The following CA9 variants were observed in gnomAD, a reference collection of about 807,000 sequenced individuals.
CA9 encodes carbonic anhydrase 9.
A neutral mutation model predicts 51.8 loss-of-function variants in CA9; 43 were observed. The ratio of observed to expected loss-of-function variants is 0.83; its 90% CI spans 0.65 to 1.07. The LOEUF (loss-of-function observed/expected upper bound fraction) is 1.07, where lower values mean the gene tolerates loss of function less well. Ranked by LOEUF, CA9 falls within the 50% of genes least tolerant of loss-of-function variation. CA9 has a pLI of 0.00. For missense variants in CA9, 574 were observed against 581.4 expected (o/e 0.99, Z 0.13); for synonymous variants, 253 against 244.2 (o/e 1.04, Z -0.34).
chr9:35,679,387 G>C, intron 7 of CA9, 45 bp downstream of exon 7: 1 of 1,579,016 alleles, frequency 6.3e-7, no homozygotes, highest in East Asian at 2.3e-5. Context: ...GGGGGAAAGA[G>C]GATGTAAGAT....
Position 35,675,951 on chromosome 9 carries a change from G to GA in CA9, c.604+21dup. On this transcript the variant is annotated intron_variant, in intron 3 of 10. Coordinates refer to ENST00000378357, the MANE Select transcript of CA9 (RefSeq NM_001216.3). Reference sequence around the variant, plus strand: ...ACAGTGGTGAGGGGGTCTCCCCGCCGAGACTTGGGGATGGGGCGGGGCGCA... The same window carrying GA: ...ACAGTGGTGAGGGGGTCTCCCCGCCGAAGACTTGGGGATGGGGCGGGGCGCA... 2 of 1,599,828 alleles carry GA rather than the reference G, an allele frequency of 1.3e-6. No homozygotes were observed. Among genetic ancestry groups the GA allele is most frequent in the East Asian group, 4.5e-5 (2 of 44,644 alleles).
chr9:35,675,151 G>C (rs916748119), intron 1 of CA9: 1 of 207,598 alleles, frequency 4.8e-6, no homozygotes, highest in Non-Finnish European at 9.7e-6. Flanking sequence ...GCGCCACCAC[G>C]CCCGGCTAAT....
At position 35,675,768 on chromosome 9, in the gene CA9, G is replaced by C; in HGVS notation, c.441G>C (p.Pro147=). 1 of 1,569,294 alleles carries C rather than the reference G, an allele frequency of 6.4e-7. No homozygotes were observed. The highest frequency in any genetic ancestry group is 8.6e-7 in the Non-Finnish European group (1 of 1,158,268). ...TATACTCTCCCACCCCAGGCGACCC[G>C]CCCTGGCCCCGGGTGTCCCCAGCCT... ...DQSHWRYGGD[P]PWPRVSPACA... Residue 147 remains proline, a synonymous_variant, in exon 3 of 11, where the codon CCG becomes CCC. Transcript: ENST00000378357.
intron 6 of CA9, among the ~76,000 whole-genome samples, 157 bp from the exon 7 acceptor site, chr9:35,679,028 T>C (rs1824478980): frequency 6.6e-6 from 1 of 152,166 alleles, no homozygotes; most frequent in African/African-American, 2.4e-5. Flanking sequence ...TGTACTTTTT[T>C]TTGAGTTACG....
intron 1 of CA9, 103 bp from the exon 2 acceptor site, chr9:35,675,435 C>T (rs1435402665): frequency 1.5e-6 from 2 of 1,317,994 alleles, no homozygotes; most frequent in African/African-American, 2.9e-5. Flanking sequence ...CATTTGTTAC[C>T]CGTAATGCTC....
chr9:35,676,701 TAGAAA>T (rs1046719039), intron 5 of CA9, among the ~76,000 whole-genome samples: 11 of 151,984 alleles, frequency 7.2e-5, no homozygotes, highest in Admixed American at 5.2e-4. Context: ...CCTTCACTGG[TAGAAA>T]AGAAAAGGAG....
At chr9:35,675,362 C>T (rs115683778) in intron 1 of CA9, 176 bp from the exon 2 acceptor site, 18 of 662,602 alleles carry the variant, frequency 2.7e-5, no homozygotes, top group African/African-American at 2.7e-4. Flanking sequence ...CTGTTTGGCC[C>T]ACCCAGCTGC....
chr9:35,675,220 C>G, intron 1 of CA9: 1 of 381,842 alleles, frequency 2.6e-6, no homozygotes, highest in South Asian at 3.4e-5. Context: ...TCTCGAACTC[C>G]TGATCTCAGG....
At chr9:35,676,521 G>T (rs1824427059) in intron 5 of CA9, 132 bp downstream of exon 5, 1 of 717,004 alleles carries the variant, frequency 1.4e-6, no homozygotes, top group Non-Finnish European at 2.4e-6. Flanking sequence ...TTCACGCACT[G>T]TTTGTTCATT....
intron 5 of CA9, 42 bp downstream of exon 5, chr9:35,676,431 C>A: frequency 6.7e-7 from 1 of 1,486,836 alleles, no homozygotes; most frequent in Non-Finnish European, 9.3e-7. Flanking sequence ...CTTTCCCATC[C>A]CATGCTCCTC....
intron 1 of CA9, 73 bp from the exon 2 acceptor site, chr9:35,675,465 G>A: frequency 1.3e-6 from 2 of 1,555,808 alleles, no homozygotes; most frequent in Non-Finnish European, 1.8e-6. Context: ...ATCTGCGTTT[G>A]TGACATCGTT....
chr9:35,678,876 C>G (rs992998973), intron 6 of CA9, among the ~76,000 whole-genome samples: 1 of 152,052 alleles, frequency 6.6e-6, no homozygotes, highest in Non-Finnish European at 1.5e-5. Flanking sequence ...TATGATGGTA[C>G]ACAGAGTTAA....
chr9:35,677,977 G>A lies in CA9; in HGVS notation c.907+121G>A, dbSNP rs1824457036. On this transcript the variant is annotated intron_variant, in intron 6 of 10. Coordinates refer to ENST00000378357, the MANE Select transcript of CA9 (RefSeq NM_001216.3). ...CAGTGCAGGAGGGATTGAAGCATGAGCCAGCGCTCATCTTGATAATAACCA... is the reference window on the plus strand; with the variant it reads ...CAGTGCAGGAGGGATTGAAGCATGAACCAGCGCTCATCTTGATAATAACCA... 7.7e-6 allele frequency: 6 copies of A among 778,746 alleles called. No individual in the cohort carries two copies. The Admixed American group carries it at 1.0e-4, about 13-fold the overall frequency. 48.2% of individuals were successfully genotyped at this position (778,746 alleles called of 1,614,324 possible).
chr9:35,678,604 T>C (rs1824469441), intron 6 of CA9, among the ~76,000 whole-genome samples: 1 of 152,042 alleles, frequency 6.6e-6, no homozygotes. Flanking sequence ...CTAGACTAGG[T>C]AGAACTCTGC....
chr9:35,679,168 A>G lies in CA9; in HGVS notation c.908-17A>G, dbSNP rs756182839. On this transcript the variant is annotated splice_polypyrimidine_tract_variant and intron_variant, in intron 6 of 10. Transcript: ENST00000378357. ...GGTGCAATGTAGATGAGACCCCAAC[A>G]TAGATCCTCTTCACAGGCTCAGAGA... 2.2e-5 allele frequency: 35 copies of G among 1,613,870 alleles called. No homozygotes were observed. Among genetic ancestry groups the G allele is most frequent in the Non-Finnish European group, 2.9e-5 (34 of 1,179,950 alleles).
intron 1 of CA9, chr9:35,675,240 C>A: frequency 2.3e-6 from 1 of 443,312 alleles, no homozygotes; most frequent in South Asian, 2.8e-5. Flanking sequence ...GTGATCCAAC[C>A]ACCCTGGCCT....
At position 35,676,407 on chromosome 9, in the gene CA9, C is replaced by A. The variant is rs1346862248; in HGVS notation, c.840+18C>A. 1.9e-6 allele frequency: 3 copies of A among 1,580,136 alleles called. No homozygotes were observed. Among genetic ancestry groups the A allele is most frequent in the Admixed American group, 3.4e-5 (2 of 59,300 alleles). On this transcript the variant is annotated intron_variant, in intron 5 of 10. Coordinates refer to ENST00000378357, the MANE Select transcript of CA9 (RefSeq NM_001216.3). ...TTCTGGAGGTACCAGATCCTGGACA[C>A]CCCCTACTCCCCGCTTTCCCATCCC...
chr9:35,678,332 C>T (rs1356540811), intron 6 of CA9, among the ~76,000 whole-genome samples: 8 of 133,136 alleles, frequency 6.0e-5, no homozygotes, highest in Non-Finnish European at 9.3e-5. Context: ...GGCAACAGAG[C>T]GAGACTCTTG....
Position 35,680,115 on chromosome 9 carries a change from C to G in CA9, c.1213C>G (p.Gln405Glu), listed in dbSNP as rs1824508181. ...TCACATCTCCTTTTTCTCTCCAGTC[C>G]AGCTGAATTCCTGCCTGGCTGCTGG... is the stretch of plus-strand genomic sequence containing the variant. ...DSSPRAAEPV[Q>E]LNSCLAAGDI... Residue 405 changes from glutamine to glutamate, a missense_variant and splice_region_variant, in exon 9 of 11, where the codon CAG (glutamine) becomes GAG (glutamate). By Grantham distance (29) the Gln-to-Glu change is conservative (BLOSUM62 2). Coordinates refer to ENST00000378357, the MANE Select transcript of CA9 (RefSeq NM_001216.3). 6.2e-7 allele frequency: 1 copy of G among 1,614,068 alleles called. No homozygotes were observed. The highest frequency in any genetic ancestry group is 1.1e-5 in the South Asian group (1 of 91,082).
Sources: gnomAD v4.1 joint callset for allele counts (sites outside exome capture counted in the v4.1 genomes callset) on GRCh38, gnomAD v4.1.1 for gene constraint, MANE v1.5 for transcripts, NCBI Gene and HGNC (gene_info 2026-07-23, HGNC 2026-07-21) for gene names.